The following MYOM2 variants were observed in gnomAD, a reference collection of about 807,000 sequenced individuals.
The protein encoded by MYOM2 is myomesin 2.
Under a neutral mutation model 187.6 loss-of-function variants are expected in MYOM2, and 254 were observed. That is an observed-to-expected ratio of 1.35 (90% CI 1.22 to 1.50). The LOEUF (loss-of-function observed/expected upper bound fraction) is 1.50, where lower values mean the gene tolerates loss of function less well. Ranked by LOEUF, MYOM2 falls within the 40% of genes most tolerant of loss-of-function variation. The pLI is 0.00. For missense variants in MYOM2, 2,796 were observed against 1,924.0 expected (o/e 1.45, Z -8.48); for synonymous variants, 981 against 753.8 (o/e 1.30, Z -4.94).
intron 13 of MYOM2, among the ~76,000 whole-genome samples, chr8:2,084,690 A>C (rs1464070594): frequency 6.6e-6 from 1 of 152,254 alleles, no homozygotes; most frequent in Non-Finnish European, 1.5e-5. Flanking sequence ...AGGCTTATCA[A>C]CATCACTCCA....
chr8:2,134,264 C>G (rs144625806), intron 32 of MYOM2, among the ~76,000 whole-genome samples: 16 of 152,196 alleles, frequency 1.1e-4, no homozygotes, highest in African/African-American at 3.6e-4. Flanking sequence ...CCTCGTCTCT[C>G]TCGGCCTGGG....
chr8:2,058,951 C>A (rs1252984270), intron 5 of MYOM2, among the ~76,000 whole-genome samples: 1 of 152,208 alleles, frequency 6.6e-6, no homozygotes, highest in African/African-American at 2.4e-5. Flanking sequence ...AGAGTCTGAA[C>A]GAGGAAAGCG....
intron 17 of MYOM2, among the ~76,000 whole-genome samples, chr8:2,094,846 G>A (rs904849980): frequency 1.4e-4 from 21 of 152,136 alleles, no homozygotes; most frequent in African/African-American, 4.6e-4. Context: ...TTGATCAAAC[G>A]AGACAATTGG....
intron 25 of MYOM2, among the ~76,000 whole-genome samples, chr8:2,114,661 A>G (rs11136468): frequency 0.62 from 95,007 of 152,056 alleles, 30,408 homozygotes; most frequent in African/African-American, 0.75. Flanking sequence ...GTAGAGTTGG[A>G]GTTTCACCAT....
chr8:2,138,810 C>G (rs1246832875), intron 32 of MYOM2, among the ~76,000 whole-genome samples: 1 of 152,182 alleles, frequency 6.6e-6, no homozygotes, highest in Non-Finnish European at 1.5e-5. Flanking sequence ...GTCCGGGATC[C>G]CAGAGGCTAA....
At chr8:2,136,024 G>T (rs1466976709) in intron 32 of MYOM2, among the ~76,000 whole-genome samples, 2 of 152,202 alleles carry the variant, frequency 1.3e-5, no homozygotes, top group Non-Finnish European at 2.9e-5. Flanking sequence ...GACAGCGGGA[G>T]CCTCTGCTGG....
intron 1 of MYOM2, 101 bp downstream of exon 1, chr8:2,045,269 A>C: frequency 6.6e-6 from 1 of 152,246 alleles, no homozygotes; most frequent in South Asian, 2.1e-4. Flanking sequence ...CTTCAGGGTC[A>C]AGAAGAGAGA....
intron 10 of MYOM2, among the ~76,000 whole-genome samples, chr8:2,074,611 C>T (rs1042282057): frequency 5.3e-5 from 8 of 152,130 alleles, no homozygotes; most frequent in Admixed American, 2.0e-4. Flanking sequence ...TGTACCACCA[C>T]GCCCGGCTAA....
At chr8:2,119,650 G>C (rs1469028388) in intron 28 of MYOM2, among the ~76,000 whole-genome samples, 1 of 152,190 alleles carries the variant, frequency 6.6e-6, no homozygotes, top group Non-Finnish European at 1.5e-5. Context: ...CTGGCAGTGA[G>C]GGAGAGCGAG....
chr8:2,107,346 T>C (rs895364220), intron 23 of MYOM2, among the ~76,000 whole-genome samples: 2 of 152,142 alleles, frequency 1.3e-5, no homozygotes, highest in African/African-American at 4.8e-5. Context: ...GTCTAAGGCA[T>C]TTGAATTTCC....
rs112208409 is a variant in MYOM2, at chr8:2,098,398, T to TATG, written c.2314-459_2314-458insATG. ...GCCCGGGGGCTCTTGTCATGCAGAG[T>TATG]CCAAGTATGGGGGACGTGGTGGGCT... On this transcript the variant is annotated intron_variant, in intron 18 of 36. Coordinates refer to ENST00000262113, the MANE Select transcript of MYOM2 (RefSeq NM_003970.4). Among the ~76,000 whole-genome samples the TATG allele has an allele frequency of 1.4e-3, 218 of 152,122 alleles. 2 individuals are homozygous for TATG. Among genetic ancestry groups the TATG allele is most frequent in the African/African-American group, 4.8e-3 (200 of 41,532 alleles).
chr8:2,118,262 A>C (rs1797313259), intron 28 of MYOM2, among the ~76,000 whole-genome samples: 2 of 152,184 alleles, frequency 1.3e-5, no homozygotes, highest in Admixed American at 1.3e-4. Context: ...GGTGAAATAC[A>C]CCTAGAAGTG....
chr8:2,114,291 C>T (rs954446072), intron 25 of MYOM2, among the ~76,000 whole-genome samples: 1 of 152,176 alleles, frequency 6.6e-6, no homozygotes, highest in African/African-American at 2.4e-5. Flanking sequence ...GTGGACTGTT[C>T]CTGTGATACA....
At chr8:2,048,233 C>T (rs1280981493) in intron 1 of MYOM2, among the ~76,000 whole-genome samples, 2 of 152,216 alleles carry the variant, frequency 1.3e-5, no homozygotes, top group East Asian at 1.9e-4. Flanking sequence ...GCCTGGTATT[C>T]GTCAGGCTGA....
At position 2,116,047 on chromosome 8, in the gene MYOM2, G is replaced by T. The variant is rs764327798; in HGVS notation, c.3268G>T (p.Val1090Leu). The stretch of plus-strand genomic sequence containing the variant: ...TATTGAAAATGAGGGGACCTACACT[G>T]TGCAGATTCATGATGGGAAAGCCAA... The part of the protein sequence containing the change: ...FSIENEGTYT[V>L]QIHDGKAKSQ... Residue 1090 changes from valine to leucine, a missense_variant, in exon 26 of 37, where the codon GTG becomes TTG. By Grantham distance (32) the Val-to-Leu change is conservative (BLOSUM62 1). Coordinates refer to ENST00000262113, the MANE Select transcript of MYOM2 (RefSeq NM_003970.4). 11 of 1,613,994 alleles carry T rather than the reference G, an allele frequency of 6.8e-6. 1 individual carries two copies. The South Asian group carries it at 1.2e-4, about 18-fold the overall frequency.
At chr8:2,096,183 C>T in intron 17 of MYOM2, 64 bp from the exon 18 acceptor site, 1 of 1,526,572 alleles carries the variant, frequency 6.6e-7, no homozygotes, top group East Asian at 2.3e-5. Context: ...CTGGAGCTGG[C>T]TGCCCCGGGG....
chr8:2,109,996 T>C (rs74848672), intron 25 of MYOM2, among the ~76,000 whole-genome samples: 3,353 of 152,278 alleles, frequency 0.022, 136 homozygotes, highest in African/African-American at 0.077. Flanking sequence ...GCAATCTTGG[T>C]GTGGCAGACT....
intron 5 of MYOM2, 90 bp from the exon 6 acceptor site, chr8:2,059,063 G>T: frequency 1.9e-6 from 2 of 1,026,294 alleles, no homozygotes; most frequent in South Asian, 2.9e-5. Context: ...CTGCAGAAAT[G>T]GGCAGCAGGC....
chr8:2,136,916 T>G (rs1434014907), intron 32 of MYOM2, among the ~76,000 whole-genome samples: 1 of 152,124 alleles, frequency 6.6e-6, no homozygotes, highest in Admixed American at 6.5e-5. Flanking sequence ...AGCGCAACTT[T>G]CGTGGCCCAG....
Sources: gnomAD v4.1 joint callset for allele counts (sites outside exome capture counted in the v4.1 genomes callset) on GRCh38, gnomAD v4.1.1 for gene constraint, MANE v1.5 for transcripts, NCBI Gene and HGNC (gene_info 2026-07-23, HGNC 2026-07-21) for gene names.